DPP10: variants seen among roughly 807,000 people sequenced by gnomAD.
DPP10 encodes the protein dipeptidyl peptidase like 10.
In DPP10, 33 loss-of-function variants were observed where a neutral mutation model predicts 120.9. The observed-to-expected ratio is 0.27, with a 90% confidence interval of 0.21 to 0.37. DPP10 has a LOEUF of 0.37. Ranked by LOEUF, DPP10 falls within the 10% of genes least tolerant of loss-of-function variation. The probability of loss-of-function intolerance (pLI) is 1.00; values close to 1 mark genes in which losing one functional copy is unlikely to be tolerated. For synonymous variants in DPP10, 337 were observed against 326.1 expected (o/e 1.03, Z -0.36); for missense variants, 816 against 942.8 (o/e 0.87, Z 1.76).
intron 3 of DPP10, among the ~76,000 whole-genome samples, chr2:115,471,623 C>T (rs902765623): frequency 9.3e-5 from 14 of 150,704 alleles, no homozygotes; most frequent in Non-Finnish European, 1.8e-4. Flanking sequence ...GTCTCACACT[C>T]TCACACAGAC....
chr2:114,777,434 T>C (rs1681861377), intron 1 of DPP10, among the ~76,000 whole-genome samples: 1 of 150,754 alleles, frequency 6.6e-6, no homozygotes, highest in African/African-American at 2.4e-5. Flanking sequence ...TTTGGATATA[T>C]TATTCCTACT....
At chr2:115,352,427 C>T (rs1278529548) in intron 3 of DPP10, among the ~76,000 whole-genome samples, 2 of 152,090 alleles carry the variant, frequency 1.3e-5, no homozygotes, top group African/African-American at 2.4e-5. Context: ...CCTCATAGTC[C>T]TTTGATATTC....
chr2:115,736,635 C>T (rs1356644399), intron 8 of DPP10, among the ~76,000 whole-genome samples: 5 of 151,972 alleles, frequency 3.3e-5, no homozygotes, highest in Non-Finnish European at 7.4e-5. Flanking sequence ...GAAAGGTTTT[C>T]ATATAATTCA....
chr2:115,516,366 T>C (rs140757875), intron 4 of DPP10, among the ~76,000 whole-genome samples: 1 of 152,240 alleles, frequency 6.6e-6, no homozygotes, highest in African/African-American at 2.4e-5. Context: ...TCTAAAATTA[T>C]TCTTTTCCTT....
intron 7 of DPP10, among the ~76,000 whole-genome samples, chr2:115,717,376 T>TAATAAAAAATA (rs1016845624): frequency 6.6e-6 from 1 of 151,960 alleles, no homozygotes; most frequent in Non-Finnish European, 1.5e-5. Context: ...ACTTAAAGTA[T>TAATAAAAAATA]AATAAAAAAT....
At chr2:114,806,499 G>A (rs1015539059) in intron 1 of DPP10, among the ~76,000 whole-genome samples, 3 of 152,172 alleles carry the variant, frequency 2.0e-5, no homozygotes, top group Non-Finnish European at 4.4e-5. Flanking sequence ...ATACAGGGAA[G>A]TTTGCTTATT....
chr2:114,532,296 T>TATATATATATATATATAC lies in DPP10; in HGVS notation c.60+89459_60+89460insTATATATATATATATACA, dbSNP rs1342125338. On this transcript the variant is annotated intron_variant, in intron 1 of 25. Transcript: ENST00000410059. ...ATATATATATATATATATATATATA[T>TATATATATATATATATAC]ACACACACACACACACACACAGATA... Among the ~76,000 whole-genome samples, 20 of 74,780 alleles carry TATATATATATATATATAC rather than the reference T, an allele frequency of 2.7e-4. 1 individual carries two copies. The highest frequency in any genetic ancestry group is 7.2e-4 in the African/African-American group (11 of 15,230). The allele number at this position is 74,780 out of a possible 152,430, so 49.1% of individuals were successfully genotyped here.
intron 9 of DPP10, among the ~76,000 whole-genome samples, chr2:115,743,998 T>G (rs867419858): frequency 6.6e-5 from 10 of 150,670 alleles, no homozygotes; most frequent in African/African-American, 2.4e-4. Context: ...TGTCTAACTT[T>G]TGACCACCAC....
chr2:115,358,047 G>A (rs1007456829), intron 3 of DPP10, among the ~76,000 whole-genome samples: 1 of 152,108 alleles, frequency 6.6e-6, no homozygotes, highest in Non-Finnish European at 1.5e-5. Context: ...AGGGGCTGCT[G>A]TGAAGGTCTC....
intron 1 of DPP10, among the ~76,000 whole-genome samples, chr2:114,642,102 G>A (rs545813955): frequency 6.6e-6 from 1 of 152,002 alleles, no homozygotes; most frequent in African/African-American, 2.4e-5. Flanking sequence ...TGAGAGTTCT[G>A]CTATCTTCTC....
At chr2:114,935,019 C>T (rs1368491506) in intron 1 of DPP10, among the ~76,000 whole-genome samples, 3 of 152,042 alleles carry the variant, frequency 2.0e-5, no homozygotes, top group African/African-American at 4.8e-5. Flanking sequence ...AATCACTGTG[C>T]AGGTTTTAGA....
At chr2:114,732,501 A>G (rs1272331436) in intron 1 of DPP10, among the ~76,000 whole-genome samples, 1 of 152,230 alleles carries the variant, frequency 6.6e-6, no homozygotes, top group Non-Finnish European at 1.5e-5. Context: ...GGGAAAGATC[A>G]TGCTAGAGAC....
At chr2:114,805,550 G>A (rs746482169) in intron 1 of DPP10, among the ~76,000 whole-genome samples, 13 of 152,270 alleles carry the variant, frequency 8.5e-5, no homozygotes, top group African/African-American at 1.7e-4. Context: ...AGTACTTAAC[G>A]CTAGCCCTTC....
At chr2:114,811,281 G>T (rs1038637934) in intron 1 of DPP10, among the ~76,000 whole-genome samples, 1 of 152,160 alleles carries the variant, frequency 6.6e-6, no homozygotes, top group African/African-American at 2.4e-5. Context: ...ATTTCAGAAA[G>T]CTTAAATTCA....
chr2:114,882,849 G>A (rs1371671192), intron 1 of DPP10, among the ~76,000 whole-genome samples: 1 of 152,000 alleles, frequency 6.6e-6, no homozygotes, highest in East Asian at 1.9e-4. Context: ...CTAAGTAAAA[G>A]AAAGGAGAAA....
chr2:115,609,886 T>A (rs901784109), intron 5 of DPP10, among the ~76,000 whole-genome samples: 3 of 152,188 alleles, frequency 2.0e-5, no homozygotes, highest in Non-Finnish European at 4.4e-5. Context: ...GAATGAATAG[T>A]TAAGAGCTAC....
At chr2:114,984,912 T>G (rs1700304305) in intron 1 of DPP10, among the ~76,000 whole-genome samples, 1 of 152,138 alleles carries the variant, frequency 6.6e-6, no homozygotes, top group South Asian at 2.1e-4. Flanking sequence ...TTTCCATGGC[T>G]TTTACACTTG....
At chr2:114,497,726 C>T (rs1039858907) in intron 1 of DPP10, among the ~76,000 whole-genome samples, 7 of 152,092 alleles carry the variant, frequency 4.6e-5, no homozygotes, top group Middle Eastern at 3.2e-3. Context: ...CAGTAAGTAG[C>T]GGATAGGATT....
intron 5 of DPP10, among the ~76,000 whole-genome samples, chr2:115,651,321 G>A (rs1026674807): frequency 3.9e-5 from 6 of 152,018 alleles, no homozygotes; most frequent in African/African-American, 1.4e-4. Context: ...GAAAATTAAT[G>A]AACCTGAAAA....
Sources: gnomAD v4.1 joint callset for allele counts (sites outside exome capture counted in the v4.1 genomes callset) on GRCh38, gnomAD v4.1.1 for gene constraint, MANE v1.5 for transcripts, NCBI Gene and HGNC (gene_info 2026-07-23, HGNC 2026-07-21) for gene names.